TENM2: variants seen among roughly 807,000 people sequenced by gnomAD.
TENM2 encodes teneurin transmembrane protein 2, also known as teneurin-2.
In TENM2, 52 loss-of-function variants were observed where a neutral mutation model predicts 245.2. The ratio of observed to expected loss-of-function variants is 0.21; its 90% CI spans 0.17 to 0.27. TENM2 has a LOEUF of 0.27. Ranked by LOEUF, TENM2 falls within the 10% of genes least tolerant of loss-of-function variation. The pLI is 1.00. For synonymous variants in TENM2, 1,363 were observed against 1,438.9 expected (o/e 0.95, Z 1.19); for missense variants, 3,046 against 3,666.8 (o/e 0.83, Z 4.37).
intron 3 of TENM2, among the ~76,000 whole-genome samples, chr5:167,881,904 A>G (rs1773909307): frequency 6.6e-6 from 1 of 152,078 alleles, no homozygotes; most frequent in African/African-American, 2.4e-5. Flanking sequence ...GACTTTCTTC[A>G]TGTACTTGTA....
the TENM2 span, among the ~76,000 whole-genome samples, chr5:167,272,071 A>G: frequency 4.5e-4 from 69 of 152,256 alleles, no homozygotes; most frequent in Middle Eastern, 0.01. Flanking sequence ...TGGAAATCTT[A>G]GAGTACCAGT....
rs1339051385 is a variant in TENM2, at chr5:168,158,850, T to TATATATATATATATATAC, written c.2423-3760_2423-3759insTATATATATATATATACA. On this transcript the variant is annotated intron_variant, in intron 12 of 28. Coordinates refer to ENST00000518659, the Ensembl canonical transcript of TENM2. Reference sequence around the variant, plus strand: ...GTGTGTATATATATATATATATATATACACACACACACACACACATATATA... The same window carrying TATATATATATATATATAC: ...GTGTGTATATATATATATATATATATATATATATATATATATACACACACACACACACACACATATATA... Among the ~76,000 whole-genome samples the TATATATATATATATATAC allele has an allele frequency of 1.4e-3, 89 of 62,256 alleles. 1 individual carries two copies. Among genetic ancestry groups the TATATATATATATATATAC allele is most frequent in the Admixed American group, 0.011 (45 of 4,240 alleles). 40.8% of individuals were successfully genotyped at this position (62,256 alleles called of 152,430 possible). A position where few individuals can be genotyped will look rare whatever the true frequency, so the allele number is the denominator to read the frequency against.
In TENM2 at chr5:168,115,887, C is replaced by T. The variant is rs117272164; in HGVS notation, c.1814-2405C>T. ...ATCTGGGCTCAGGGGAACAAGATGC[C>T]GTGATCAATTAGTGATGTCTGTAGA... is the stretch of plus-strand genomic sequence containing the variant. On this transcript the variant is annotated intron_variant, in intron 9 of 28. Transcript: ENST00000518659. 6.7e-4 allele frequency among the ~76,000 whole-genome samples: 102 copies of T among 152,198 alleles called. 1 individual carries two copies. The East Asian group carries it at 0.018, about 27-fold the overall frequency.
chr5:167,177,242 T>C, the TENM2 span, among the ~76,000 whole-genome samples: 1 of 152,152 alleles, frequency 6.6e-6, no homozygotes, highest in Admixed American at 6.5e-5. Context: ...AGTAGTTATG[T>C]AGTACAGCAT....
intron 13 of TENM2, chr5:168,187,032 A>G (rs1760515834): frequency 6.6e-6 from 1 of 152,248 alleles, no homozygotes; most frequent in Admixed American, 6.5e-5. Context: ...AGGTCATTAT[A>G]GGCATAACGT....
intron 3 of TENM2, among the ~76,000 whole-genome samples, chr5:167,946,618 G>A (rs987233352): frequency 1.3e-5 from 2 of 152,170 alleles, no homozygotes; most frequent in African/African-American, 4.8e-5. Flanking sequence ...ATCAGCCAGG[G>A]CAGGGGACCT....
intron 2 of TENM2, among the ~76,000 whole-genome samples, chr5:167,680,632 C>CTGATGA (rs901444743): frequency 7.9e-5 from 12 of 152,122 alleles, no homozygotes; most frequent in Admixed American, 7.2e-4. Flanking sequence ...GCTGTAGATG[C>CTGATGA]TGTAAACCAG....
At chr5:167,245,328 AG>A in the TENM2 span, among the ~76,000 whole-genome samples, 1 of 152,204 alleles carries the variant, frequency 6.6e-6, no homozygotes, top group African/African-American at 2.4e-5. Flanking sequence ...AATCATAGTA[AG>A]GAAAATGTGG....
the TENM2 span, among the ~76,000 whole-genome samples, chr5:167,070,183 T>C: frequency 6.6e-6 from 1 of 150,906 alleles, no homozygotes. Flanking sequence ...AGGGGCGCGA[T>C]CTCGGCTCAC....
the TENM2 span, among the ~76,000 whole-genome samples, chr5:167,232,340 C>T: frequency 1.3e-5 from 2 of 151,760 alleles, no homozygotes. Context: ...GTGAAAGTAA[C>T]AAGCAACTGT....
chr5:167,485,466 A>G (rs1348828786), intron 2 of TENM2, among the ~76,000 whole-genome samples: 1 of 152,250 alleles, frequency 6.6e-6, no homozygotes, highest in African/African-American at 2.4e-5. Flanking sequence ...AAAGCATAAA[A>G]GCAACTGCTA....
At chr5:167,314,728 CAAT>C (rs1313029747) in intron 1 of TENM2, among the ~76,000 whole-genome samples, 6 of 152,008 alleles carry the variant, frequency 3.9e-5, no homozygotes, top group South Asian at 2.1e-4. Flanking sequence ...AATATTAAAG[CAAT>C]AATAACATTT....
At chr5:167,110,234 A>G in the TENM2 span, among the ~76,000 whole-genome samples, 3 of 152,338 alleles carry the variant, frequency 2.0e-5, no homozygotes, top group Non-Finnish European at 4.4e-5. Context: ...TTTAGATTTG[A>G]TATATCAGAT....
intron 4 of TENM2, among the ~76,000 whole-genome samples, chr5:167,983,751 A>AT (rs1004068963): frequency 3.3e-5 from 5 of 152,198 alleles, no homozygotes; most frequent in African/African-American, 9.7e-5. Flanking sequence ...CCTAAGCATA[A>AT]ATTCTCAACT....
intron 2 of TENM2, among the ~76,000 whole-genome samples, chr5:167,542,776 A>G (rs1258331051): frequency 6.6e-6 from 1 of 152,154 alleles, no homozygotes; most frequent in Non-Finnish European, 1.5e-5. Context: ...AGAAATTCGG[A>G]AGATTTTATA....
intron 2 of TENM2, among the ~76,000 whole-genome samples, chr5:167,541,225 A>C (rs1475858532): frequency 6.6e-6 from 1 of 152,178 alleles, no homozygotes; most frequent in African/African-American, 2.4e-5. Flanking sequence ...TGCAAGTTTC[A>C]ATGATGTTGT....
the TENM2 span, among the ~76,000 whole-genome samples, chr5:167,159,978 A>G: frequency 6.6e-6 from 1 of 152,220 alleles, no homozygotes; most frequent in Admixed American, 6.5e-5. Context: ...TACAAGACTC[A>G]AAAGGTGGAA....
At chr5:167,173,779 G>T in the TENM2 span, among the ~76,000 whole-genome samples, 1 of 151,734 alleles carries the variant, frequency 6.6e-6, no homozygotes, top group Non-Finnish European at 1.5e-5. Context: ...ATGATAAATA[G>T]TGCCCTAGGT....
chr5:167,812,974 T>C (rs900002832), intron 2 of TENM2, among the ~76,000 whole-genome samples: 2 of 152,166 alleles, frequency 1.3e-5, no homozygotes, highest in Non-Finnish European at 2.9e-5. Flanking sequence ...ATAAGAAATA[T>C]GAAATAATTT....
Sources: gnomAD v4.1 joint callset for allele counts (sites outside exome capture counted in the v4.1 genomes callset) on GRCh38, gnomAD v4.1.1 for gene constraint, MANE v1.5 for transcripts, NCBI Gene and HGNC (gene_info 2026-07-23, HGNC 2026-07-21) for gene names.